Variants in SHTN1 observed in about 807,000 individuals in gnomAD.
SHTN1 encodes shootin-1.
In SHTN1, 42 loss-of-function variants were observed where a neutral mutation model predicts 83.1. The observed-to-expected ratio is 0.51, with a 90% CI of 0.39 to 0.65. The LOEUF (loss-of-function observed/expected upper bound fraction) is 0.65. SHTN1 is among the 30% of genes least tolerant of loss of function. The pLI, the probability that SHTN1 is intolerant of heterozygous loss-of-function variation, is 0.00. For missense variants in SHTN1, 622 were observed against 737.8 expected, an observed-to-expected ratio of 0.84 and a Z score of 1.82; for synonymous variants, 224 against 247.7, an observed-to-expected ratio of 0.90 and a Z score of 0.90.
upstream of SHTN1, among the ~76,000 whole-genome samples, chr10:117,009,670 C>T (rs1385794557): frequency 6.6e-6 from 1 of 151,972 alleles, no homozygotes; most frequent in African/African-American, 2.4e-5. Flanking sequence ...TTTGGGAGGC[C>T]GAGACGGGCA....
chr10:116,925,958 T>C (rs1848729724), intron 11 of SHTN1, among the ~76,000 whole-genome samples: 1 of 151,940 alleles, frequency 6.6e-6, no homozygotes, highest in African/African-American at 2.4e-5. Context: ...TCAAACTCAA[T>C]ACATGTGCAA....
At chr10:116,901,206 T>C in intron 16 of SHTN1, 1 of 985,396 alleles carries the variant, frequency 1.0e-6, no homozygotes, top group African/African-American at 1.7e-5. Flanking sequence ...CCACTAGATC[T>C]GTCTGAAACA....
At chr10:117,052,678 A>T (rs1022445767) in intron 1 of SHTN1, among the ~76,000 whole-genome samples, 9 of 152,116 alleles carry the variant, frequency 5.9e-5, no homozygotes, top group African/African-American at 2.2e-4. Context: ...CAATGGGGAA[A>T]GAAAAGTCAA....
chr10:117,064,438 G>A (rs923362271), intron 1 of SHTN1, among the ~76,000 whole-genome samples: 1 of 152,084 alleles, frequency 6.6e-6, no homozygotes, highest in African/African-American at 2.4e-5. Context: ...GGCGGATCAC[G>A]AGGTCAGGAG....
At chr10:116,946,412 TTATA>T (rs909080765) in intron 7 of SHTN1, among the ~76,000 whole-genome samples, 3 of 146,454 alleles carry the variant, frequency 2.0e-5, no homozygotes, top group Non-Finnish European at 3.0e-5. Flanking sequence ...AATATATGTA[TTATA>T]TATAATATTA....
intron 1 of SHTN1, among the ~76,000 whole-genome samples, chr10:117,067,777 T>C (rs899998129): frequency 5.9e-5 from 9 of 152,028 alleles, no homozygotes; most frequent in African/African-American, 1.7e-4. Context: ...GATGGAAAGA[T>C]AGACTGAAAA....
intron 16 of SHTN1, among the ~76,000 whole-genome samples, chr10:116,891,186 C>G (rs1270752689): frequency 2.0e-5 from 3 of 152,172 alleles, no homozygotes; most frequent in African/African-American, 4.8e-5. Flanking sequence ...AGTGAATGAA[C>G]TTTTAAGCGG....
chr10:117,074,211 C>T (rs1159235385), intron 1 of SHTN1, among the ~76,000 whole-genome samples: 1 of 152,194 alleles, frequency 6.6e-6, no homozygotes, highest in Non-Finnish European at 1.5e-5. Flanking sequence ...CTGTTGTTCA[C>T]TCCCTAATAG....
intron 1 of SHTN1, among the ~76,000 whole-genome samples, chr10:117,094,019 C>T (rs1853471353): frequency 6.6e-6 from 1 of 152,106 alleles, no homozygotes; most frequent in African/African-American, 2.4e-5. Context: ...TATTTTAACT[C>T]AATGTGGAAC....
intron 1 of SHTN1, among the ~76,000 whole-genome samples, chr10:117,089,889 TA>T (rs1419651196): frequency 6.6e-6 from 1 of 152,024 alleles, no homozygotes; most frequent in Non-Finnish European, 1.5e-5. Context: ...TTAGAATGGC[TA>T]TCAAAAAACA....
chr10:116,961,312 T>C (rs974546407), intron 3 of SHTN1, among the ~76,000 whole-genome samples: 1 of 152,110 alleles, frequency 6.6e-6, no homozygotes. Context: ...CCTAAGTCTG[T>C]CCAAAGTTCT....
intron 1 of SHTN1, among the ~76,000 whole-genome samples, chr10:117,068,594 A>T (rs1448535370): frequency 6.6e-6 from 1 of 151,672 alleles, no homozygotes; most frequent in African/African-American, 2.4e-5. Flanking sequence ...TTAGATGGTG[A>T]CAGAGTGAGA....
At chr10:116,956,128 A>G (rs1444787257) in intron 4 of SHTN1, among the ~76,000 whole-genome samples, 1 of 152,240 alleles carries the variant, frequency 6.6e-6, no homozygotes, top group Non-Finnish European at 1.5e-5. Flanking sequence ...GTATCCTAAT[A>G]TTTAAACTAA....
chr10:117,028,085 C>G (rs564417830), intron 2 of SHTN1, among the ~76,000 whole-genome samples: 2 of 152,258 alleles, frequency 1.3e-5, no homozygotes, highest in East Asian at 1.9e-4. Context: ...TTACTGGGAA[C>G]TGGAGCAAAG....
At chr10:117,084,866 A>G (rs1853326631) in intron 1 of SHTN1, among the ~76,000 whole-genome samples, 3 of 151,480 alleles carry the variant, frequency 2.0e-5, no homozygotes, top group Admixed American at 2.0e-4. Flanking sequence ...GCGCTTCCCG[A>G]GTGAGGCAAT....
intron 1 of SHTN1, among the ~76,000 whole-genome samples, chr10:117,065,380 C>T (rs1852961575): frequency 6.6e-6 from 1 of 152,106 alleles, no homozygotes; most frequent in African/African-American, 2.4e-5. Context: ...ACAGCTTCCA[C>T]ATCTCCCTAA....
intron 4 of SHTN1, among the ~76,000 whole-genome samples, chr10:116,959,611 A>C (rs1401029834): frequency 6.6e-6 from 1 of 152,240 alleles, no homozygotes; most frequent in Non-Finnish European, 1.5e-5. Context: ...GATAGAATGT[A>C]GAAAATTACA....
In SHTN1 at chr10:116,960,168, A is replaced by G; in HGVS notation, c.235T>C (p.Cys79Arg). The G allele has an allele frequency of 6.2e-7, 1 of 1,611,410 alleles. No homozygotes were observed. The highest frequency in any genetic ancestry group is 8.5e-7 in the Non-Finnish European group (1 of 1,177,892). The change falls in exon 4 of 17, where the codon TGT (cysteine) becomes CGT (arginine). Residue 79 changes from cysteine to arginine, a missense_variant. This residue lies in a region of SHTN1 where 383 missense variants were observed against 455.8 expected (regional missense o/e 0.84). Coordinates refer to ENST00000355371, the MANE Select transcript of SHTN1 (RefSeq NM_001127211.3). Reference protein sequence around the residue: ...MQNHLEIEKTCRESAEALATK... With the variant: ...MQNHLEIEKTRRESAEALATK... The stretch of plus-strand genomic sequence containing the variant: ...GCCAAAGCTTCAGCACTTTCTCGAC[A>G]AGTCTTCTCTATTTCAAGATGGTTC...
chr10:116,926,752 A>G (rs925022770), intron 11 of SHTN1, among the ~76,000 whole-genome samples: 3 of 152,108 alleles, frequency 2.0e-5, no homozygotes, highest in African/African-American at 2.4e-5. Context: ...TTAAAATGCC[A>G]TTTGTTAAAG....
Sources: allele counts gnomAD v4.1 joint callset (sites outside exome capture counted in the v4.1 genomes callset), GRCh38; gene constraint gnomAD v4.1.1; regional missense constraint gnomAD v4.1.1; transcripts MANE v1.5; gene names NCBI Gene and HGNC (gene_info 2026-07-23, HGNC 2026-07-21).